DNAH10: variants seen among roughly 807,000 people sequenced by gnomAD.
DNAH10 encodes axonemal beta dynein heavy chain 10.
DNAH10 carries 348 observed loss-of-function variants against 506.6 expected under a neutral mutation model. That is an observed-to-expected ratio of 0.69 (90% CI 0.63 to 0.75). The LOEUF is 0.75. DNAH10 is among the 30% of genes least tolerant of loss of function. The pLI is 0.00. For synonymous variants in DNAH10, 2,059 were observed against 2,198.6 expected (o/e 0.94, Z 1.78); for missense variants, 5,179 against 5,787.1 (o/e 0.89, Z 3.41).
chr12:123,935,303 G>T (rs556125470), intron 78 of DNAH10, 32 bp from the exon 79 acceptor site: 7 of 1,590,724 alleles, frequency 4.4e-6, no homozygotes, highest in Non-Finnish European at 6.0e-6. Flanking sequence ...CCCTCTCTCC[G>T]TGGGGGCATC....
rs200663113 is a variant in DNAH10 at position 123,859,170 on chromosome 12, G to A, written c.6651G>A (p.Met2217Ile). 149 of 1,610,722 alleles carry A rather than the reference G, an allele frequency of 9.3e-5. No homozygotes were observed. In the Middle Eastern group the frequency reaches 9.9e-4, roughly 11 times the overall value. The change falls in exon 38 of 79, where the codon ATG becomes ATA. Residue 2217 changes from methionine (M) to isoleucine (I), a missense_variant. Physicochemically the swap from Met to Ile is conservative, Grantham distance 10. Around this residue, in one of 3 missense-constraint regions of DNAH10, gnomAD observed 4,844 missense variants for 5,430.5 expected, o/e 0.89. Coordinates refer to ENST00000673944, the MANE Select transcript of DNAH10 (RefSeq NM_001372106.1). ...CGCAGGTGGATAAAGTGGTTCAAAT[G>A]TTCGAGACCATGTTAACCCGCCACA... The part of the protein sequence containing the change: ...LPIQVDKVVQ[M>I]FETMLTRHTT...
At position 123,784,127 on chromosome 12, in the gene DNAH10, G is replaced by T. The variant is rs763542837; in HGVS notation, c.1180G>T (p.Glu394Ter). The T allele has an allele frequency of 6.2e-7, 1 of 1,614,250 alleles. No homozygotes were observed. The highest frequency in any genetic ancestry group is 8.5e-7 in the Non-Finnish European group (1 of 1,180,050). The change falls in exon 8 of 79, where the codon GAG becomes TAG. Residue 394 changes from glutamate (E) to a stop codon, truncating the protein, a stop_gained. Transcript: ENST00000673944. LOFTEE classifies it high-confidence loss of function. ...VFTELFKFHT[E>*]ASDNVRFLST... is the part of the protein sequence containing the mutation. ...CACCGAGTTATTCAAGTTCCACACG[G>T]AGGCCTCAGACAATGTGCGCTTTCT...
chr12:123,935,550 C>G lies in DNAH10; in HGVS notation c.*69C>G. On this transcript the variant is annotated 3_prime_UTR_variant, in exon 79 of 79. Transcript: ENST00000673944. ...TTGTCAGAGTGATCGGGTCTGCTGT[C>G]ATTTCTTGGGGCCTCTCAAGAGGCA... 1 of 1,477,760 alleles carries G rather than the reference C, an allele frequency of 6.8e-7. No homozygotes were observed. 91.5% of individuals were successfully genotyped at this position (1,477,760 alleles called of 1,614,324 possible).
rs1361859213 is a variant in DNAH10, at chr12:123,800,397, ATTC to A, written c.2462+15_2462+17del. The A allele has an allele frequency of 8.1e-6, 13 of 1,609,902 alleles. No homozygotes were observed. Among genetic ancestry groups the A allele is most frequent in the Non-Finnish European group, 1.1e-5 (13 of 1,179,056 alleles). On this transcript the variant is annotated intron_variant, in intron 15 of 78. Transcript: ENST00000673944. ...GAAGACAAATTCCTTAGGTAAAAAA[ATTC>A]TTCTTTTAAATTAGCAGTAAGCTTT...
chr12:123,807,771 C>CGA (rs1252021839), intron 18 of DNAH10, among the ~76,000 whole-genome samples: 1 of 94,540 alleles, frequency 1.1e-5, no homozygotes, highest in Non-Finnish European at 2.0e-5. Context: ...GGAGAGGGAT[C>CGA]GAGAGAGAGA....
chr12:123,816,422 A>G (rs1328899826), intron 21 of DNAH10, among the ~76,000 whole-genome samples: 2 of 152,204 alleles, frequency 1.3e-5, no homozygotes, highest in Non-Finnish European at 2.9e-5. Context: ...ACCTCCATGA[A>G]CATCCCTAAA....
Position 123,909,279 on chromosome 12 carries a change from G to A in DNAH10, c.9834G>A (p.Pro3278=), listed in dbSNP as rs550825368. 14 of 1,613,320 alleles carry A rather than the reference G, an allele frequency of 8.7e-6. No homozygotes were observed. Among genetic ancestry groups the A allele is most frequent in the East Asian group, 4.5e-5 (2 of 44,874 alleles). Residue 3278 remains proline, a synonymous_variant, in exon 58 of 79, where the codon CCG becomes CCA. Transcript: ENST00000673944. This position sits in a 1 kb window ranked among gnomAD's most constrained non-coding sequence, Gnocchi z 5.4. The part of the protein sequence containing the change: ...VTEIRSFAKP[P]KQVQTVCECI... Reference sequence around the variant, plus strand: ...TTGCCAGGTCGTTTGCTAAGCCCCCGAAGCAGGTGCAGACGGTCTGCGAAT... The same window carrying A: ...TTGCCAGGTCGTTTGCTAAGCCCCCAAAGCAGGTGCAGACGGTCTGCGAAT...
At chr12:123,888,881 C>T (rs149931959) in intron 52 of DNAH10, among the ~76,000 whole-genome samples, 32 of 152,312 alleles carry the variant, frequency 2.1e-4, no homozygotes, top group Non-Finnish European at 2.2e-4. Flanking sequence ...GTGCTGACTT[C>T]GTCTGGCCTA....
Position 123,913,195 on chromosome 12 carries a change from G to A in DNAH10, c.10232G>A (p.Gly3411Asp), listed in dbSNP as rs373267513. The part of the protein sequence containing the change: ...AAIQKELETL[G>D]AKYEAAILEK... ...ATTCAGAAAGAGCTGGAAACATTGG[G>A]TGCCAAATATGAGGCCGCCATACTG... The change falls in exon 60 of 79, where the codon GGT (glycine) becomes GAT (aspartate). Residue 3411 changes from glycine (G) to aspartate (D), a missense_variant. By Grantham distance (94) the Gly-to-Asp change is moderately conservative (BLOSUM62 -1). This residue lies in a region of DNAH10 where 4,844 missense variants were observed against 5,430.5 expected (regional missense o/e 0.89). Transcript: ENST00000673944. The surrounding 1 kb of genome is among the most constrained non-coding windows in gnomAD (Gnocchi z 5.1). 6.2e-6 allele frequency: 10 copies of A among 1,610,646 alleles called. No homozygotes were observed. In the African/African-American group the frequency reaches 1.2e-4, roughly 19 times the overall value.
Position 123,813,446 on chromosome 12 carries a change from T to G in DNAH10, c.3427T>G (p.Leu1143Val), listed in dbSNP as rs141901776. The G allele has an allele frequency of 6.2e-7, 1 of 1,614,108 alleles. No individual in the cohort carries two copies. Among genetic ancestry groups the G allele is most frequent in the African/African-American group, 1.3e-5 (1 of 74,948 alleles). The change falls in exon 20 of 79, where the codon TTG becomes GTG. Residue 1143 changes from leucine (L) to valine (V), a missense_variant. Leu to Val is a conservative substitution (Grantham distance 32). Coordinates refer to ENST00000673944, the MANE Select transcript of DNAH10 (RefSeq NM_001372106.1). Reference sequence around the variant, plus strand: ...TCCTTGTGTAGCATATGATGAAAAGTTGCAGTTCTATTCCAAGATAGCTTA... The same window carrying G: ...TCCTTGTGTAGCATATGATGAAAAGGTGCAGTTCTATTCCAAGATAGCTTA... ...KPPCVAYDEK[L>V]QFYSKIAYEV...
chr12:123,830,723 C>G, intron 26 of DNAH10, 24 bp downstream of exon 26: 13 of 1,568,732 alleles, frequency 8.3e-6, no homozygotes, highest in Non-Finnish European at 1.1e-5. Context: ...TAAAAACAGG[C>G]TGGAGAAAAC....
intron 56 of DNAH10, among the ~76,000 whole-genome samples, chr12:123,900,259 C>G (rs1476297706): frequency 6.6e-6 from 1 of 152,142 alleles, no homozygotes; most frequent in African/African-American, 2.4e-5. Context: ...ATGTAAAAAA[C>G]TATATATTCC....
rs73221409 is a variant in DNAH10 at position 123,893,238 on chromosome 12, G to C, written c.9001G>C (p.Val3001Leu). 6.2e-4 allele frequency: 1,007 copies of C among 1,613,982 alleles called. 2 individuals are homozygous for C. In the African/African-American group the frequency reaches 0.011, roughly 18 times the overall value. Residue 3001 changes from valine (V) to leucine (L), a missense_variant, in exon 53 of 79, where the codon GTA becomes CTA. Physicochemically the swap from Val to Leu is conservative, Grantham distance 32. Coordinates refer to ENST00000673944, the MANE Select transcript of DNAH10 (RefSeq NM_001372106.1). ...AGCATGTCTTCCTTTTCCAGGAATT[G>C]TACCTGCGCTTTTTTCTGAAGAGGA... Reference protein sequence around the residue: ...LINNMLTSGIVPALFSEEEKE... With the variant: ...LINNMLTSGILPALFSEEEKE...
chr12:123,813,253 T>C lies in DNAH10; in HGVS notation c.3234T>C (p.Asn1078=). 6.2e-7 allele frequency: 1 copy of C among 1,614,202 alleles called. No individual in the cohort carries two copies. ...EEEVVIINFY[N]DISLNPQIIE... ...AAGTTGTTATAATAAACTTTTACAA[T>C]GATATCTCTCTGAACCCTCAGATAA... The change falls in exon 20 of 79, where the codon AAT becomes AAC. Residue 1078 remains asparagine, a synonymous_variant. Transcript: ENST00000673944.
rs1951977948 is a variant in DNAH10, at chr12:123,870,349, A to G, written c.7520-17A>G. On this transcript the variant is annotated splice_polypyrimidine_tract_variant and intron_variant, in intron 43 of 78. Coordinates refer to ENST00000673944, the MANE Select transcript of DNAH10 (RefSeq NM_001372106.1). ...CGTGTTTATGATTCAAGTGAAATCA[A>G]CCATGATTTCCTGCAGGTCAACTTC... The G allele has an allele frequency of 3.7e-6, 6 of 1,609,580 alleles. No homozygotes were observed. Among genetic ancestry groups the G allele is most frequent in the African/African-American group, 2.7e-5 (2 of 74,900 alleles).
intron 6 of DNAH10, 39 bp downstream of exon 6, chr12:123,781,338 T>A: frequency 1.3e-6 from 2 of 1,560,572 alleles, no homozygotes; most frequent in Non-Finnish European, 1.8e-6. Context: ...TAAGAATGAT[T>A]AATTTACTGT....
rs1955054544 is a variant in DNAH10, at chr12:123,928,671, TTGTC to T, written c.12306+88_12306+91del. On this transcript the variant is annotated intron_variant, in intron 70 of 78. Transcript: ENST00000673944. The surrounding 1 kb of genome is among the most constrained non-coding windows in gnomAD (Gnocchi z 4.9). Reference sequence around the variant, plus strand: ...GCTGCTCTGGGGCCGGGGTGTGCCTTTGTCTGTGTAGAAATAAACCTTAGGCTGC... The same window carrying T: ...GCTGCTCTGGGGCCGGGGTGTGCCTTTGTGTAGAAATAAACCTTAGGCTGC... 6.9e-7 allele frequency: 1 copy of T among 1,439,140 alleles called. No homozygotes were observed. Among genetic ancestry groups the T allele is most frequent in the East Asian group, 2.5e-5 (1 of 40,244 alleles). The allele number at this position is 1,439,140 out of a possible 1,614,324, so 89.1% of individuals were successfully genotyped here.
rs1566111426 is a variant in DNAH10, at chr12:123,924,296, A to T, written c.11630A>T (p.Lys3877Ile). 1.9e-6 allele frequency: 3 copies of T among 1,609,980 alleles called. No homozygotes were observed. Among genetic ancestry groups the T allele is most frequent in the Non-Finnish European group, 2.5e-6 (3 of 1,177,164 alleles). The change falls in exon 67 of 79, where the codon AAA becomes ATA. Residue 3877 changes from lysine (K) to isoleucine (I), a missense_variant. This residue lies in a region of DNAH10 where 4,844 missense variants were observed against 5,430.5 expected (regional missense o/e 0.89). Coordinates refer to ENST00000673944, the MANE Select transcript of DNAH10 (RefSeq NM_001372106.1). ...TGATTAGGAAACATTTCCCTGGAGA[A>T]AAGCAAAAGAAAAAAGCCCTGCGCT... is the stretch of plus-strand genomic sequence containing the variant. ...FFLKGNISLE[K>I]SKRKKPCAWL...
chr12:123,813,126 T>G, intron 19 of DNAH10, 38 bp from the exon 20 acceptor site: 1 of 1,526,082 alleles, frequency 6.6e-7, no homozygotes, highest in Non-Finnish European at 8.9e-7. Flanking sequence ...AAATAGATAC[T>G]AAAATACTGT....
Sources: gnomAD v4.1 joint callset for allele counts (sites outside exome capture counted in the v4.1 genomes callset) on GRCh38, gnomAD v4.1.1 for gene constraint, gnomAD v4.1.1 regional missense constraint, Gnocchi (gnomAD v3.1) non-coding constraint, MANE v1.5 for transcripts, NCBI Gene and HGNC (gene_info 2026-07-23, HGNC 2026-07-21) for gene names.